EFCAB8: variants seen among roughly 807,000 people sequenced by gnomAD.
EFCAB8 encodes the protein EF-hand calcium binding domain 8.
EFCAB8 carries 100 observed loss-of-function variants against 116.3 expected under a neutral mutation model. That is an observed-to-expected ratio of 0.86 (90% CI 0.73 to 1.02). The LOEUF (loss-of-function observed/expected upper bound fraction) is 1.02. Among genes scored for constraint, EFCAB8 ranks in the 50% least tolerant of loss-of-function variants. The probability of loss-of-function intolerance (pLI) is 0.00; values close to 1 mark genes in which losing one functional copy is unlikely to be tolerated. For missense variants in EFCAB8, 1,320 were observed against 1,416.9 expected, an observed-to-expected ratio of 0.93 and a Z score of 1.10; for synonymous variants, 558 against 567.9, an observed-to-expected ratio of 0.98 and a Z score of 0.25.
chr20:32,859,129 A>T (rs761746933), intron 1 of EFCAB8, 123 bp downstream of exon 1: 1 of 445,204 alleles, frequency 2.2e-6, no homozygotes, highest in Non-Finnish European at 4.6e-6. Flanking sequence ...CTTTCAATGC[A>T]TGTATCCTTA....
intron 11 of EFCAB8, among the ~76,000 whole-genome samples, chr20:32,901,908 C>G (rs6058950): frequency 0.67 from 101,228 of 152,094 alleles, 34,377 homozygotes; most frequent in Middle Eastern, 0.81. Flanking sequence ...GGATGGTCTT[C>G]ATCTCTTGAC....
intron 9 of EFCAB8, among the ~76,000 whole-genome samples, chr20:32,893,780 G>T (rs1986030763): frequency 6.6e-6 from 1 of 152,120 alleles, no homozygotes; most frequent in Admixed American, 6.5e-5. Context: ...GCATGGGTGA[G>T]TGGGCACAGC....
In EFCAB8 at chr20:32,909,893, C is replaced by T. The variant is rs975049052; in HGVS notation, c.1519C>T (p.Pro507Ser). ...KARKRTTHCS[P>S]LCAVLYSKIF... ...AAGGAAGAGGACCACTCATTGCTCA[C>T]CCCTGTGTGCTGTCCTCTACAGCAA... is the stretch of plus-strand genomic sequence containing the variant. The change falls in exon 15 of 27, where the codon CCC becomes TCC. Residue 507 changes from proline to serine, a missense_variant. By Grantham distance (74) the Pro-to-Ser change is moderately conservative (BLOSUM62 -1). Transcript: ENST00000400522. The T allele has an allele frequency of 1.6e-6, 2 of 1,249,794 alleles. No homozygotes were observed. Among genetic ancestry groups the T allele is most frequent in the African/African-American group, 3.1e-5 (2 of 64,486 alleles). 77.4% of individuals were successfully genotyped at this position (1,249,794 alleles called of 1,614,324 possible).
chr20:32,930,292 T>C (rs1987844701), intron 20 of EFCAB8, 106 bp from the exon 21 acceptor site: 5 of 933,942 alleles, frequency 5.4e-6, no homozygotes, highest in Non-Finnish European at 6.3e-6. Flanking sequence ...ACTGGGCATC[T>C]AGGAAACTGG....
chr20:32,878,179 T>C (rs1182928496), intron 4 of EFCAB8, among the ~76,000 whole-genome samples: 1 of 151,804 alleles, frequency 6.6e-6, no homozygotes, highest in Non-Finnish European at 1.5e-5. Flanking sequence ...GGTGGGAGGA[T>C]CACTTGAGCC....
In EFCAB8 at chr20:32,930,528, T is replaced by C. The variant is rs1987858559; in HGVS notation, c.2543T>C (p.Leu848Pro). The part of the protein sequence containing the change: ...GGLLGKFPVD[L>P]DNGDVVVGAM... ...CTGCTGGGGAAGTTCCCTGTGGACCTAGACAATGGGGATGTTGTCGTGGGT... is the reference window on the plus strand; with the variant it reads ...CTGCTGGGGAAGTTCCCTGTGGACCCAGACAATGGGGATGTTGTCGTGGGT... Residue 848 changes from leucine (L) to proline (P), a missense_variant, in exon 21 of 27, where the codon CTA becomes CCA. By Grantham distance (98) the Leu-to-Pro change is moderately conservative. Coordinates refer to ENST00000400522, the MANE Select transcript of EFCAB8 (RefSeq NM_001143967.2). 1.3e-6 allele frequency: 2 copies of C among 1,552,216 alleles called. No homozygotes were observed. The highest frequency in any genetic ancestry group is 1.7e-6 in the Non-Finnish European group (2 of 1,147,148).
intron 20 of EFCAB8, among the ~76,000 whole-genome samples, chr20:32,925,641 C>T (rs747554059): frequency 1.3e-5 from 2 of 152,256 alleles, no homozygotes; most frequent in Non-Finnish European, 1.5e-5. Flanking sequence ...GCGTGAGCCA[C>T]GGCGCCCAGC....
intron 13 of EFCAB8, 32 bp downstream of exon 13, chr20:32,907,026 G>C (rs1342919705): frequency 1.3e-5 from 19 of 1,478,614 alleles, no homozygotes; most frequent in Non-Finnish European, 1.7e-5. Context: ...GACTCCTTCT[G>C]TTCCTCAGGG....
intron 13 of EFCAB8, among the ~76,000 whole-genome samples, chr20:32,907,864 GC>G (rs891161140): frequency 6.6e-6 from 1 of 152,188 alleles, no homozygotes; most frequent in African/African-American, 2.4e-5. Context: ...AATGGGAGGG[GC>G]CCCTCTGGGG....
Position 32,885,562 on chromosome 20 carries a change from C to G in EFCAB8, c.489C>G (p.Ile163Met). ...VVFLIHRFKKIGCFLTVTKDG... is the reference protein window; with the variant it reads ...VVFLIHRFKKMGCFLTVTKDG... ...TTTTAATCCACCGGTTCAAGAAGATCGGGTGTTTCCTGACTGTCACCAAAG... is the reference window on the plus strand; with the variant it reads ...TTTTAATCCACCGGTTCAAGAAGATGGGGTGTTTCCTGACTGTCACCAAAG... Residue 163 changes from isoleucine to methionine, a missense_variant, in exon 6 of 27, where the codon ATC becomes ATG. Physicochemically the swap from Ile to Met is conservative, Grantham distance 10 (BLOSUM62 1). Transcript: ENST00000400522. 6.4e-7 allele frequency: 1 copy of G among 1,551,728 alleles called. No individual in the cohort carries two copies. The highest frequency in any genetic ancestry group is 1.2e-5 in the South Asian group (1 of 84,062).
chr20:32,876,657 G>A (rs1016697063), intron 4 of EFCAB8, among the ~76,000 whole-genome samples: 1 of 152,208 alleles, frequency 6.6e-6, no homozygotes, highest in Admixed American at 6.5e-5. Flanking sequence ...AATCCTATGG[G>A]GTAGGTGCTA....
Position 32,889,384 on chromosome 20 carries a change from T to C in EFCAB8, c.651T>C (p.Val217=). ...TGCACAATATGAACCTCGTTGCAGT[T>C]GCGTCTACCAGGCAAAAGATAGGTG... ...VCLHNMNLVA[V]ASTRQKIDFF... is the part of the protein sequence containing the mutation. The change falls in exon 7 of 27, where the codon GTT becomes GTC. Residue 217 remains valine, a synonymous_variant. Transcript: ENST00000400522. 2 of 1,551,896 alleles carry C rather than the reference T, an allele frequency of 1.3e-6. No individual in the cohort carries two copies. The highest frequency in any genetic ancestry group is 1.7e-6 in the Non-Finnish European group (2 of 1,147,032).
intron 15 of EFCAB8, among the ~76,000 whole-genome samples, chr20:32,910,738 C>CCTT (rs1986880654): frequency 9.3e-6 from 1 of 107,308 alleles, no homozygotes; most frequent in African/African-American, 4.0e-5. Context: ...TCACTTGCTA[C>CCTT]TTTTTTTTTT....
chr20:32,860,709 G>A (rs541108309), intron 1 of EFCAB8, among the ~76,000 whole-genome samples: 159 of 151,824 alleles, frequency 1.0e-3, no homozygotes, highest in African/African-American at 3.7e-3. Flanking sequence ...GCATCATAGT[G>A]TGCACCCTTT....
chr20:32,946,928 A>T (rs568015222), intron 23 of EFCAB8, among the ~76,000 whole-genome samples: 7 of 152,292 alleles, frequency 4.6e-5, no homozygotes, highest in Non-Finnish European at 7.4e-5. Flanking sequence ...AGCATAATCA[A>T]TTTGAGATTC....
At chr20:32,911,761 C>T (rs1986936989) in intron 16 of EFCAB8, 54 bp downstream of exon 16, 1 of 1,508,770 alleles carries the variant, frequency 6.6e-7, no homozygotes, top group Admixed American at 2.0e-5. Context: ...AAGCAAAGCA[C>T]AGCTCCTTTG....
In EFCAB8 at chr20:32,918,259, G is replaced by A. The variant is rs1056098490; in HGVS notation, c.2062-103G>A. 3.4e-6 allele frequency: 4 copies of A among 1,186,996 alleles called. No homozygotes were observed. In the Admixed American group the frequency reaches 8.8e-5, roughly 26 times the overall value. 73.5% of individuals were successfully genotyped at this position (1,186,996 alleles called of 1,614,324 possible). On this transcript the variant is annotated intron_variant, in intron 18 of 26. Transcript: ENST00000400522. Reference sequence around the variant, plus strand: ...GCTAGGTTTCTGGGAAGCAAGCCCTGGGGGGCTGGAGGGCCCTGTGGTGTT... The same window carrying A: ...GCTAGGTTTCTGGGAAGCAAGCCCTAGGGGGCTGGAGGGCCCTGTGGTGTT...
chr20:32,949,417 T>C (rs1364641463), intron 23 of EFCAB8, among the ~76,000 whole-genome samples: 1 of 152,226 alleles, frequency 6.6e-6, no homozygotes, highest in Non-Finnish European at 1.5e-5. Flanking sequence ...GACACACTGA[T>C]TCTAAAATTT....
chr20:32,863,716 C>A, intron 1 of EFCAB8, 67 bp from the exon 2 acceptor site: 2 of 1,487,472 alleles, frequency 1.3e-6, no homozygotes, highest in Non-Finnish European at 1.8e-6. Flanking sequence ...TGTGACCTGG[C>A]TAAGTCAGCC....
Sources: gnomAD v4.1 joint callset for allele counts (sites outside exome capture counted in the v4.1 genomes callset) on GRCh38, gnomAD v4.1.1 for gene constraint, MANE v1.5 for transcripts, NCBI Gene and HGNC (gene_info 2026-07-23, HGNC 2026-07-21) for gene names.